The following STOM variants were observed in gnomAD, a reference collection of about 807,000 sequenced individuals.
The protein encoded by STOM is erythrocyte band 7 integral membrane protein.
STOM carries 25 observed loss-of-function variants against 30.6 expected under a neutral mutation model. The observed-to-expected ratio is 0.82, with a 90% CI of 0.60 to 1.14. The LOEUF (loss-of-function observed/expected upper bound fraction) is 1.14. Among genes scored for constraint, STOM ranks in the 50% most tolerant of loss-of-function variants. STOM has a pLI of 0.00. For missense variants in STOM, 292 were observed against 365.2 expected, an observed-to-expected ratio of 0.80 and a Z score of 1.63; for synonymous variants, 118 against 130.8, an observed-to-expected ratio of 0.90 and a Z score of 0.67.
intron 1 of STOM, among the ~76,000 whole-genome samples, chr9:121,365,933 A>G (rs981958498): frequency 2.0e-5 from 3 of 152,192 alleles, no homozygotes; most frequent in Non-Finnish European, 4.4e-5. Flanking sequence ...ATATCAACTA[A>G]CAATCTGCTT....
intron 3 of STOM, among the ~76,000 whole-genome samples, chr9:121,354,275 C>G (rs542073296): frequency 6.6e-6 from 1 of 152,244 alleles, no homozygotes; most frequent in East Asian, 1.9e-4. Context: ...TGGCTAGAAC[C>G]ACTGCTATTG....
rs1304437262 is a variant in STOM, at chr9:121,370,214, C to A, written c.-27G>T. ...CTGCCCGAGACGCAGTCGCACTCCC[C>A]CGTCCTCGTTGCCAAACCCGGAGCC... On this transcript the variant is annotated 5_prime_UTR_variant, in exon 1 of 7. Coordinates refer to ENST00000286713, the MANE Select transcript of STOM (RefSeq NM_004099.6). 3.9e-6 allele frequency: 6 copies of A among 1,543,684 alleles called. No individual in the cohort carries two copies. Among genetic ancestry groups the A allele is most frequent in the Admixed American group, 2.0e-5 (1 of 50,774 alleles).
At chr9:121,341,976 G>C (rs2064250773) in intron 6 of STOM, among the ~76,000 whole-genome samples, 1 of 152,132 alleles carries the variant, frequency 6.6e-6, no homozygotes, top group South Asian at 2.1e-4. Context: ...GAATAAAATT[G>C]ATGCTGAATC....
At chr9:121,345,878 T>G (rs576308039) in intron 6 of STOM, among the ~76,000 whole-genome samples, 1 of 152,374 alleles carries the variant, frequency 6.6e-6, no homozygotes, top group South Asian at 2.1e-4. Flanking sequence ...ACTAATCAAC[T>G]GTGCGACCTT....
At chr9:121,363,046 C>A (rs12554081) in intron 1 of STOM, among the ~76,000 whole-genome samples, 19,457 of 152,194 alleles carry the variant, frequency 0.13, 1,408 homozygotes, top group Middle Eastern at 0.18. Context: ...TAAAGTTCAA[C>A]AGATAACTGG....
At chr9:121,357,071 T>C (rs766491940) in intron 1 of STOM, among the ~76,000 whole-genome samples, 2 of 152,162 alleles carry the variant, frequency 1.3e-5, no homozygotes, top group African/African-American at 4.8e-5. Context: ...GTGAAAACCA[T>C]ATGATATGAG....
chr9:121,359,688 A>G (rs929739914), intron 1 of STOM, among the ~76,000 whole-genome samples: 2 of 152,186 alleles, frequency 1.3e-5, no homozygotes, highest in African/African-American at 4.8e-5. Flanking sequence ...CTAAAGCAAC[A>G]TTTAACTTTC....
At position 121,340,466 on chromosome 9, in the gene STOM, G is replaced by A. The variant is rs115008301; in HGVS notation, c.*736C>T. The A allele has an allele frequency of 1.6e-4, 158 of 985,270 alleles. No individual in the cohort carries two copies. The African/African-American group carries it at 2.5e-3, about 16-fold the overall frequency. The allele number at this position is 985,270 out of a possible 1,614,324, so 61.0% of individuals were successfully genotyped here. On this transcript the variant is annotated 3_prime_UTR_variant, in exon 7 of 7. Coordinates refer to ENST00000286713, the MANE Select transcript of STOM (RefSeq NM_004099.6). ...ATTAAGACTCTCCAAACCAGGTGTGGTAGCTCATGCCTGTAATCCCAGCAC... is the reference window on the plus strand; with the variant it reads ...ATTAAGACTCTCCAAACCAGGTGTGATAGCTCATGCCTGTAATCCCAGCAC...
intron 3 of STOM, 31 bp downstream of exon 3, chr9:121,354,570 C>A: frequency 1.3e-6 from 2 of 1,526,580 alleles, no homozygotes; most frequent in Non-Finnish European, 8.9e-7. Flanking sequence ...CTTTAGTTTT[C>A]AGATAAACAA....
At chr9:121,354,563 T>C in intron 3 of STOM, 38 bp downstream of exon 3, 1 of 1,492,092 alleles carries the variant, frequency 6.7e-7, no homozygotes, top group East Asian at 2.3e-5. Flanking sequence ...AAAAGAACTT[T>C]AGTTTTCAGA....
At chr9:121,361,489 C>T (rs1273845321) in intron 1 of STOM, among the ~76,000 whole-genome samples, 1 of 150,466 alleles carries the variant, frequency 6.6e-6, no homozygotes, top group South Asian at 2.1e-4. Flanking sequence ...CCTGGGTTCA[C>T]GCCATTCTCT....
In STOM at chr9:121,339,646, C is replaced by A; in HGVS notation, c.*1556G>T. ...TCAGAGTCTCAAAGAGGAAATGTTA[C>A]AAATGTCACCCGCCAGCTTTCTGGC... On this transcript the variant is annotated 3_prime_UTR_variant, in exon 7 of 7. Transcript: ENST00000286713. 1.6e-6 allele frequency: 2 copies of A among 1,231,598 alleles called. No individual in the cohort carries two copies. Among genetic ancestry groups the A allele is most frequent in the Non-Finnish European group, 2.0e-6 (2 of 987,918 alleles). The allele number at this position is 1,231,598 out of a possible 1,614,324, so 76.3% of individuals were successfully genotyped here.
Position 121,370,188 on chromosome 9 carries a change from G to A in STOM, c.-1C>T. ...CCCGTGTGTGCCGCTTCTCGGCCATGCTGCCCGAGACGCAGTCGCACTCCC... is the reference window on the plus strand; with the variant it reads ...CCCGTGTGTGCCGCTTCTCGGCCATACTGCCCGAGACGCAGTCGCACTCCC... On this transcript the variant is annotated 5_prime_UTR_variant, in exon 1 of 7. Coordinates refer to ENST00000286713, the MANE Select transcript of STOM (RefSeq NM_004099.6). 6.5e-7 allele frequency: 1 copy of A among 1,547,714 alleles called. No homozygotes were observed. The highest frequency in any genetic ancestry group is 1.2e-5 in the South Asian group (1 of 84,008).
In STOM at chr9:121,340,753, A is replaced by G. The variant is rs74746469; in HGVS notation, c.*449T>C. On this transcript the variant is annotated 3_prime_UTR_variant, in exon 7 of 7. Coordinates refer to ENST00000286713, the MANE Select transcript of STOM (RefSeq NM_004099.6). The stretch of plus-strand genomic sequence containing the variant: ...CAACAAGAGTGAAACTCCATCTCAG[A>G]AAAAAAAAAAAAAAGACTCTCTGGA... The G allele has an allele frequency of 0.032, 5,591 of 176,054 alleles. 201 individuals are homozygous for G. Among genetic ancestry groups the G allele is most frequent in the African/African-American group, 0.14 (5,214 of 35,980 alleles). 10.9% of individuals were successfully genotyped at this position (176,054 alleles called of 1,614,324 possible). A position where few individuals can be genotyped will look rare whatever the true frequency, so the allele number is the denominator to read the frequency against.
At position 121,353,761 on chromosome 9, in the gene STOM, T is replaced by C. The variant is rs145788004; in HGVS notation, c.239-459A>G. On this transcript the variant is annotated intron_variant, in intron 3 of 6. Transcript: ENST00000286713. ...TCTTGCTGGACTGATCTACTTGCAGTTTCTTGAATCTGCAATACTCTCCTC... is the reference window on the plus strand; with the variant it reads ...TCTTGCTGGACTGATCTACTTGCAGCTTCTTGAATCTGCAATACTCTCCTC... Among the ~76,000 whole-genome samples, 367 of 152,290 alleles carry C rather than the reference T, an allele frequency of 2.4e-3. 1 individual carries two copies. Among genetic ancestry groups the C allele is most frequent in the Admixed American group, 7.5e-3 (114 of 15,298 alleles).
intron 2 of STOM, among the ~76,000 whole-genome samples, chr9:121,355,350 T>C (rs1467685261): frequency 6.7e-6 from 1 of 149,192 alleles, no homozygotes; most frequent in African/African-American, 2.5e-5. Context: ...ATCGCGCCAC[T>C]GCACTCCAGC....
chr9:121,339,768 G>A lies in STOM; in HGVS notation c.*1434C>T, dbSNP rs1207121813. The A allele has an allele frequency of 2.5e-6, 3 of 1,223,820 alleles. No individual in the cohort carries two copies. 75.8% of individuals were successfully genotyped at this position (1,223,820 alleles called of 1,614,324 possible). A position where few individuals can be genotyped will look rare whatever the true frequency, so the allele number is the denominator to read the frequency against. ...GACTAAGAATTTGTTGTCCAGAGGA[G>A]CTGACCAGTTCCTCTTTCAGCATCA... is the stretch of plus-strand genomic sequence containing the variant. On this transcript the variant is annotated 3_prime_UTR_variant, in exon 7 of 7. Transcript: ENST00000286713.
chr9:121,341,136 C>G lies in STOM; in HGVS notation c.*66G>C. On this transcript the variant is annotated 3_prime_UTR_variant, in exon 7 of 7. Transcript: ENST00000286713. ...TGGAAAAAGAAAAGCCCTACCCTCT[C>G]TTTATGAGTTAAAGGCTAATTTGGT... The G allele has an allele frequency of 1.9e-6, 3 of 1,607,662 alleles. No individual in the cohort carries two copies. Among genetic ancestry groups the G allele is most frequent in the Non-Finnish European group, 2.6e-6 (3 of 1,175,484 alleles).
At chr9:121,346,645 TA>T (rs2064292414) in intron 6 of STOM, among the ~76,000 whole-genome samples, 1 of 152,300 alleles carries the variant, frequency 6.6e-6, no homozygotes, top group Non-Finnish European at 1.5e-5. Flanking sequence ...ATCGTAAACA[TA>T]ATTTAATCTT....
Sources: gnomAD v4.1 joint callset for allele counts (sites outside exome capture counted in the v4.1 genomes callset) on GRCh38, gnomAD v4.1.1 for gene constraint, MANE v1.5 for transcripts, NCBI Gene and HGNC (gene_info 2026-07-23, HGNC 2026-07-21) for gene names.